SH3RF1: variants seen among roughly 807,000 people sequenced by gnomAD.
SH3RF1 encodes the protein E3 ubiquitin-protein ligase SH3RF1.
A neutral mutation model predicts 74.0 loss-of-function variants in SH3RF1; 32 were observed. The ratio of observed to expected loss-of-function variants is 0.43; its 90% CI spans 0.33 to 0.58. The LOEUF (loss-of-function observed/expected upper bound fraction) is 0.58, where lower values mean the gene tolerates loss of function less well. SH3RF1 is among the 20% of genes least tolerant of loss of function. The probability of loss-of-function intolerance (pLI) is 0.05; values close to 1 mark genes in which losing one functional copy is unlikely to be tolerated. For synonymous variants in SH3RF1, 396 were observed against 439.6 expected (o/e 0.90, Z 1.24); for missense variants, 954 against 1,130.9 (o/e 0.84, Z 2.24).
At chr4:169,131,550 T>C (rs1268107367) in intron 5 of SH3RF1, among the ~76,000 whole-genome samples, 1 of 152,192 alleles carries the variant, frequency 6.6e-6, no homozygotes, top group Non-Finnish European at 1.5e-5. Flanking sequence ...GGTTTCAAAG[T>C]GGACATGAGG....
chr4:169,265,626 A>G (rs1012593951), intron 2 of SH3RF1, among the ~76,000 whole-genome samples: 1 of 152,096 alleles, frequency 6.6e-6, no homozygotes, highest in Non-Finnish European at 1.5e-5. Flanking sequence ...GGCACGTGCC[A>G]CCACACCCGG....
At chr4:169,243,723 A>T (rs1561062979) in intron 2 of SH3RF1, among the ~76,000 whole-genome samples, 1 of 152,192 alleles carries the variant, frequency 6.6e-6, no homozygotes, top group Non-Finnish European at 1.5e-5. Flanking sequence ...AGATTCTTGC[A>T]CTGGATATTC....
Position 169,122,147 on chromosome 4 carries a change from T to A in SH3RF1, c.1299A>T (p.Gly433=), listed in dbSNP as rs750460686. The part of the protein sequence containing the change: ...AAGMGPRPMA[G]STDQIAHLRP... ...GTAAATGTGCAATCTGGTCAGTGGA[T>A]CCTGCCATGGGCCTCGGTCCCATTC... Residue 433 remains glycine, a synonymous_variant, in exon 7 of 12, where the codon GGA becomes GGT. Coordinates refer to ENST00000284637, the MANE Select transcript of SH3RF1 (RefSeq NM_020870.4). The A allele has an allele frequency of 2.0e-5, 33 of 1,613,066 alleles. No individual in the cohort carries two copies. The highest frequency in any genetic ancestry group is 2.7e-5 in the Non-Finnish European group (32 of 1,180,018).
chr4:169,125,164 C>G (rs1436423966), intron 6 of SH3RF1, among the ~76,000 whole-genome samples: 1 of 152,152 alleles, frequency 6.6e-6, no homozygotes, highest in African/African-American at 2.4e-5. Context: ...AAAGAAGAGA[C>G]AGTGTTACAT....
intron 2 of SH3RF1, among the ~76,000 whole-genome samples, chr4:169,168,146 C>T (rs1734276543): frequency 6.6e-6 from 1 of 151,948 alleles, no homozygotes; most frequent in Non-Finnish European, 1.5e-5. Flanking sequence ...CCTCTAAAAA[C>T]AAAAACAAAA....
chr4:169,114,360 C>T (rs1733294868), intron 10 of SH3RF1, among the ~76,000 whole-genome samples: 3 of 152,180 alleles, frequency 2.0e-5, no homozygotes, highest in Admixed American at 6.5e-5. Context: ...CTTTTAAGAA[C>T]ATCCTTGAGT....
chr4:169,134,509 T>C (rs1407240378), intron 5 of SH3RF1, among the ~76,000 whole-genome samples: 1 of 152,348 alleles, frequency 6.6e-6, no homozygotes, highest in African/African-American at 2.4e-5. Context: ...GCTTGTCTTT[T>C]ATTTCAAGAC....
At chr4:169,183,226 G>C (rs1333293388) in intron 2 of SH3RF1, among the ~76,000 whole-genome samples, 1 of 152,202 alleles carries the variant, frequency 6.6e-6, no homozygotes, top group Non-Finnish European at 1.5e-5. Context: ...CTTGAACCCA[G>C]GAGGCAGAGG....
At chr4:169,231,020 G>A (rs991475970) in intron 2 of SH3RF1, among the ~76,000 whole-genome samples, 6 of 152,128 alleles carry the variant, frequency 3.9e-5, no homozygotes, top group African/African-American at 1.4e-4. Context: ...TAACGAAAAG[G>A]CCACCGGTGC....
At chr4:169,182,414 A>G (rs143080627) in intron 2 of SH3RF1, among the ~76,000 whole-genome samples, 2 of 152,370 alleles carry the variant, frequency 1.3e-5, no homozygotes, top group African/African-American at 4.8e-5. Context: ...AAGAATGCCA[A>G]TATATTTTTT....
chr4:169,129,840 A>G (rs564942380), intron 6 of SH3RF1, among the ~76,000 whole-genome samples: 1 of 152,364 alleles, frequency 6.6e-6, no homozygotes, highest in Admixed American at 6.5e-5. Flanking sequence ...CAGGCCACTG[A>G]TCCTCACTGT....
intron 4 of SH3RF1, among the ~76,000 whole-genome samples, chr4:169,146,387 G>T (rs11732085): frequency 4.6e-5 from 7 of 150,940 alleles, no homozygotes; most frequent in African/African-American, 1.7e-4. Flanking sequence ...ATGCCACCAC[G>T]CCCAGCTTAT....
In SH3RF1 at chr4:169,152,662, G is replaced by T. The variant is rs149211653; in HGVS notation, c.765+2818C>A. ...TGACGCAAGAGAATTGCTTGAACCC[G>T]GAAGGCAGAGGTTGTAGTGAGCCAA... On this transcript the variant is annotated intron_variant, in intron 4 of 11. Coordinates refer to ENST00000284637, the MANE Select transcript of SH3RF1 (RefSeq NM_020870.4). 4.3e-3 allele frequency among the ~76,000 whole-genome samples: 655 copies of T among 152,194 alleles called. 6 individuals are homozygous for T. Among genetic ancestry groups the T allele is most frequent in the African/African-American group, 0.015 (628 of 41,510 alleles).
intron 2 of SH3RF1, among the ~76,000 whole-genome samples, chr4:169,266,013 T>C (rs1731347253): frequency 6.6e-6 from 1 of 152,188 alleles, no homozygotes. Context: ...TCCCTCTCCC[T>C]ATGGCTCATT....
chr4:169,154,129 C>T (rs1026303732), intron 4 of SH3RF1, among the ~76,000 whole-genome samples: 5 of 152,036 alleles, frequency 3.3e-5, no homozygotes, highest in Non-Finnish European at 7.4e-5. Context: ...TTTCCCATTA[C>T]CCACAGTTAG....
intron 2 of SH3RF1, among the ~76,000 whole-genome samples, chr4:169,234,822 T>G (rs555501024): frequency 7.9e-5 from 12 of 152,302 alleles, no homozygotes; most frequent in Non-Finnish European, 1.6e-4. Context: ...CTACTGACAT[T>G]TGGGCCTGAT....
At chr4:169,242,824 T>G (rs1415355938) in intron 2 of SH3RF1, among the ~76,000 whole-genome samples, 1 of 152,192 alleles carries the variant, frequency 6.6e-6, no homozygotes, top group Non-Finnish European at 1.5e-5. Context: ...AAGGAAGCCC[T>G]TGCCAGATCT....
rs561053359 is a variant in SH3RF1 at position 169,112,972 on chromosome 4, C to T, written c.2139+3297G>A. On this transcript the variant is annotated intron_variant, in intron 10 of 11. Transcript: ENST00000284637. The stretch of plus-strand genomic sequence containing the variant: ...TTGGGATTTAGAGATCAAATGATTA[C>T]TCTTAACAGGCTGAATTCACTCCAG... Among the ~76,000 whole-genome samples, 5 of 152,284 alleles carry T rather than the reference C, an allele frequency of 3.3e-5. No individual in the cohort carries two copies. The South Asian group carries it at 8.3e-4, about 25-fold the overall frequency.
intron 2 of SH3RF1, among the ~76,000 whole-genome samples, chr4:169,194,110 G>T (rs886120261): frequency 2.6e-5 from 4 of 152,076 alleles, no homozygotes; most frequent in African/African-American, 4.8e-5. Context: ...CAGAGACAGA[G>T]ACACATACTC....
Sources: gnomAD v4.1 joint callset for allele counts (sites outside exome capture counted in the v4.1 genomes callset) on GRCh38, gnomAD v4.1.1 for gene constraint, MANE v1.5 for transcripts, NCBI Gene and HGNC (gene_info 2026-07-23, HGNC 2026-07-21) for gene names.